Variants in AGBL4 observed in about 807,000 individuals in gnomAD.
AGBL4 encodes the protein AGBL carboxypeptidase 4, also known as cytosolic carboxypeptidase 6.
In AGBL4, 58 loss-of-function variants were observed where a neutral mutation model predicts 66.4. The observed-to-expected ratio is 0.87, with a 90% CI of 0.71 to 1.09. AGBL4 has a LOEUF of 1.09. Ranked by LOEUF, AGBL4 falls within the 50% of genes least tolerant of loss-of-function variation. AGBL4 has a pLI of 0.00. For missense variants in AGBL4, 579 were observed against 631.0 expected, an observed-to-expected ratio of 0.92 and a Z score of 0.88; for synonymous variants, 234 against 222.9, an observed-to-expected ratio of 1.05 and a Z score of -0.44.
chr1:48,978,132 AAACACG>A (rs149074406), intron 5 of AGBL4, among the ~76,000 whole-genome samples: 1,731 of 152,278 alleles, frequency 0.011, 29 homozygotes, highest in African/African-American at 0.04. Flanking sequence ...TATAAGGTGA[AAACACG>A]AAGTTCACAT....
intron 3 of AGBL4, among the ~76,000 whole-genome samples, chr1:49,339,929 T>C (rs911867953): frequency 6.6e-6 from 1 of 152,190 alleles, no homozygotes; most frequent in African/African-American, 2.4e-5. Context: ...TAGGTATTGG[T>C]TGGATATTCA....
At position 48,936,099 on chromosome 1, in the gene AGBL4, C is replaced by T. The variant is rs556688998; in HGVS notation, c.595-68869G>A. 3.5e-4 allele frequency among the ~76,000 whole-genome samples: 51 copies of T among 147,194 alleles called. 2 individuals are homozygous for T. The South Asian group carries it at 0.011, about 32-fold the overall frequency. On this transcript the variant is annotated intron_variant, in intron 5 of 13. Transcript: ENST00000371839. ...GCCAGGAGCTTGAGACCAACCTGGG[C>T]AACATAGTGAGACCCTGTCTCTACA...
intron 3 of AGBL4, among the ~76,000 whole-genome samples, chr1:49,419,153 A>T (rs1228091995): frequency 6.6e-6 from 1 of 152,186 alleles, no homozygotes; most frequent in Non-Finnish European, 1.5e-5. Flanking sequence ...AAATATTAGT[A>T]TTATAATATT....
intron 3 of AGBL4, among the ~76,000 whole-genome samples, chr1:49,580,858 CTG>C (rs1644529164): frequency 6.6e-6 from 1 of 152,036 alleles, no homozygotes; most frequent in Non-Finnish European, 1.5e-5. Context: ...CCTTTTTGCC[CTG>C]TGTTTCCCTA....
chr1:49,868,135 A>C (rs931818329), intron 1 of AGBL4, among the ~76,000 whole-genome samples: 1 of 152,238 alleles, frequency 6.6e-6, no homozygotes, highest in Non-Finnish European at 1.5e-5. Context: ...GGATACAAAA[A>C]AATGGAAAAA....
intron 10 of AGBL4, among the ~76,000 whole-genome samples, chr1:48,590,131 G>A (rs919026822): frequency 3.3e-5 from 5 of 152,178 alleles, no homozygotes; most frequent in South Asian, 4.2e-4. Flanking sequence ...GCGGCCAGGC[G>A]CGGTGGCTCA....
chr1:49,529,208 T>A (rs1650902629), intron 3 of AGBL4, among the ~76,000 whole-genome samples: 1 of 152,038 alleles, frequency 6.6e-6, no homozygotes, highest in African/African-American at 2.4e-5. Flanking sequence ...TGGTGATAAA[T>A]TTGAAGAGTA....
chr1:49,939,597 T>C (rs990158346), intron 1 of AGBL4, among the ~76,000 whole-genome samples: 1 of 152,076 alleles, frequency 6.6e-6, no homozygotes, highest in African/African-American at 2.4e-5. Flanking sequence ...AAACAAGCAA[T>C]GGGGAAAGGA....
chr1:48,884,889 T>A (rs928399981), intron 5 of AGBL4, among the ~76,000 whole-genome samples: 1 of 144,076 alleles, frequency 6.9e-6, no homozygotes, highest in South Asian at 2.2e-4. Flanking sequence ...CTGAGATGGA[T>A]GATTGAGAGA....
chr1:49,843,779 T>C (rs1308757215), intron 2 of AGBL4, among the ~76,000 whole-genome samples: 4 of 152,128 alleles, frequency 2.6e-5, no homozygotes, highest in Non-Finnish European at 5.9e-5. Flanking sequence ...TTTTTAAAAA[T>C]TGAACTTTTC....
chr1:49,179,253 T>C (rs1002141881), intron 4 of AGBL4, among the ~76,000 whole-genome samples: 1 of 152,124 alleles, frequency 6.6e-6, no homozygotes, highest in African/African-American at 2.4e-5. Context: ...TGAGGAATGA[T>C]AGTAACTTAA....
intron 2 of AGBL4, among the ~76,000 whole-genome samples, chr1:49,800,855 A>C (rs1489470608): frequency 7.7e-6 from 1 of 129,696 alleles, no homozygotes; most frequent in Non-Finnish European, 1.6e-5. Flanking sequence ...TAGCAGCATG[A>C]TTTATAGTCC....
chr1:49,884,360 GTTA>G (rs1465556777), intron 1 of AGBL4, among the ~76,000 whole-genome samples: 4 of 151,872 alleles, frequency 2.6e-5, no homozygotes, highest in African/African-American at 9.6e-5. Context: ...TAAGTAGTTG[GTTA>G]TTATTATTAG....
intron 3 of AGBL4, among the ~76,000 whole-genome samples, chr1:49,627,407 A>G (rs1482616031): frequency 6.6e-6 from 1 of 152,130 alleles, no homozygotes; most frequent in Non-Finnish European, 1.5e-5. Flanking sequence ...TCAGTAAAAC[A>G]TTCTGAGTGT....
chr1:49,175,572 T>A (rs925499528), intron 4 of AGBL4, among the ~76,000 whole-genome samples: 1 of 151,814 alleles, frequency 6.6e-6, no homozygotes, highest in African/African-American at 2.4e-5. Flanking sequence ...ATGACAGGAG[T>A]AGTGATAAGA....
In AGBL4 at chr1:49,405,519, A is replaced by G. The variant is rs1484747363; in HGVS notation, c.283-159655T>C. 2.0e-5 allele frequency among the ~76,000 whole-genome samples: 3 copies of G among 152,184 alleles called. No individual in the cohort carries two copies. In the East Asian group the frequency reaches 5.8e-4, roughly 29 times the overall value. On this transcript the variant is annotated intron_variant, in intron 3 of 13. Coordinates refer to ENST00000371839, the MANE Select transcript of AGBL4 (RefSeq NM_032785.4). ...TGCAAATTATTGAACCATGGTGCCT[A>G]GTAAATAGCGAGAGCTCAAAAAACC...
intron 9 of AGBL4, among the ~76,000 whole-genome samples, chr1:48,607,801 A>G (rs1298413856): frequency 6.6e-6 from 1 of 152,242 alleles, no homozygotes; most frequent in Non-Finnish European, 1.5e-5. Flanking sequence ...GGTGTTAAGG[A>G]AAAATAATCT....
intron 2 of AGBL4, chr1:49,842,420 C>A: frequency 1.3e-6 from 1 of 796,116 alleles, no homozygotes; most frequent in Non-Finnish European, 1.7e-6. Flanking sequence ...CTGAGAGAAG[C>A]CTGTCCATGC....
At chr1:49,639,567 C>T (rs1645741691) in intron 3 of AGBL4, among the ~76,000 whole-genome samples, 1 of 152,108 alleles carries the variant, frequency 6.6e-6, no homozygotes, top group African/African-American at 2.4e-5. Context: ...TCAAGGAATC[C>T]TTGTTCTTGC....
Sources: allele counts gnomAD v4.1 joint callset (sites outside exome capture counted in the v4.1 genomes callset), GRCh38; gene constraint gnomAD v4.1.1; transcripts MANE v1.5; gene names NCBI Gene and HGNC (gene_info 2026-07-23, HGNC 2026-07-21).